Variants in SLC8A1 observed in about 807,000 individuals in gnomAD.
SLC8A1 encodes sodium/calcium exchanger 1.
In SLC8A1, 18 loss-of-function variants were observed where a neutral mutation model predicts 68.3. The ratio of observed to expected loss-of-function variants is 0.26; its 90% confidence interval spans 0.18 to 0.39. SLC8A1 has a LOEUF of 0.39. Among genes scored for constraint, SLC8A1 ranks in the 10% least tolerant of loss-of-function variants. The pLI is 1.00. For synonymous variants in SLC8A1, 475 were observed against 415.5 expected (o/e 1.14, Z -1.74); for missense variants, 985 against 1,156.7 (o/e 0.85, Z 2.15).
chr2:40,134,100 T>TTTGTGTG (rs1422790696), intron 7 of SLC8A1, among the ~76,000 whole-genome samples: 2 of 139,572 alleles, frequency 1.4e-5, no homozygotes, highest in African/African-American at 6.5e-5. Flanking sequence ...TGTTTGTGTT[T>TTTGTGTG]TTTTTTTTTG....
intron 2 of SLC8A1, among the ~76,000 whole-genome samples, chr2:40,384,566 A>C (rs1164143384): frequency 6.6e-6 from 1 of 152,116 alleles, no homozygotes; most frequent in Non-Finnish European, 1.5e-5. Context: ...AAATGGACTC[A>C]CTTGGCCATC....
chr2:40,458,997 T>A (rs1576609720), intron 1 of SLC8A1, among the ~76,000 whole-genome samples: 1 of 152,184 alleles, frequency 6.6e-6, no homozygotes, highest in Admixed American at 6.5e-5. Flanking sequence ...AGCCATGAAT[T>A]CATTTGTTCA....
intron 1 of SLC8A1, among the ~76,000 whole-genome samples, chr2:40,475,891 A>G (rs1704274858): frequency 1.3e-5 from 2 of 152,196 alleles, no homozygotes; most frequent in Admixed American, 6.5e-5. Flanking sequence ...CCCAAAAAAC[A>G]TAACTTTCTA....
intron 2 of SLC8A1, among the ~76,000 whole-genome samples, chr2:40,226,063 A>C (rs889783362): frequency 6.6e-6 from 1 of 152,094 alleles, no homozygotes; most frequent in Non-Finnish European, 1.5e-5. Context: ...GCTTGCAATT[A>C]GTCTGGATAA....
chr2:40,314,281 A>G (rs1485529784), intron 2 of SLC8A1, among the ~76,000 whole-genome samples: 1 of 152,044 alleles, frequency 6.6e-6, no homozygotes, highest in Non-Finnish European at 1.5e-5. Context: ...TGTTAGAATA[A>G]CAACAACAAC....
At chr2:40,354,295 A>C (rs1672028090) in intron 2 of SLC8A1, among the ~76,000 whole-genome samples, 1 of 152,172 alleles carries the variant, frequency 6.6e-6, no homozygotes, top group Non-Finnish European at 1.5e-5. Flanking sequence ...TGAGGTGATC[A>C]TATGTTTAAG....
At chr2:40,218,849 A>C (rs1475855443) in intron 2 of SLC8A1, among the ~76,000 whole-genome samples, 3 of 152,092 alleles carry the variant, frequency 2.0e-5, no homozygotes, top group Admixed American at 6.6e-5. Context: ...ATGTTCTGGG[A>C]ATCTGGGCTC....
At chr2:40,241,667 AGT>A (rs1374218558) in intron 2 of SLC8A1, among the ~76,000 whole-genome samples, 1 of 152,032 alleles carries the variant, frequency 6.6e-6, no homozygotes, top group Non-Finnish European at 1.5e-5. Flanking sequence ...GGGAAAGAAG[AGT>A]GTGAAGGTGG....
At position 40,318,980 on chromosome 2, in the gene SLC8A1, C is replaced by T. The variant is rs190949216; in HGVS notation, c.1808+109493G>A. Among the ~76,000 whole-genome samples the T allele has an allele frequency of 5.9e-5, 9 of 152,112 alleles. No individual in the cohort carries two copies. The East Asian group carries it at 1.2e-3, about 20-fold the overall frequency. The stretch of plus-strand genomic sequence containing the variant: ...TGTGAACAATGATTCTATGGATTTG[C>T]CACTGCTATAAATACACCAACTGGA... On this transcript the variant is annotated intron_variant, in intron 2 of 7. Coordinates refer to ENST00000406785, the Ensembl canonical transcript of SLC8A1.
chr2:40,401,378 A>G (rs1231137784), intron 2 of SLC8A1, among the ~76,000 whole-genome samples: 2 of 152,116 alleles, frequency 1.3e-5, no homozygotes, highest in Non-Finnish European at 2.9e-5. Context: ...ATGTTGCCCA[A>G]ACCTTTCAAG....
chr2:40,258,798 C>T (rs427788), intron 2 of SLC8A1, among the ~76,000 whole-genome samples: 24,235 of 151,768 alleles, frequency 0.16, 2,200 homozygotes, highest in Admixed American at 0.28. Flanking sequence ...GGCAACATTG[C>T]GCCACTGCAC....
chr2:40,293,711 T>C (rs1461770078), intron 2 of SLC8A1, among the ~76,000 whole-genome samples: 2 of 152,192 alleles, frequency 1.3e-5, no homozygotes, highest in African/African-American at 4.8e-5. Flanking sequence ...TTCAAGGCAA[T>C]TGAAAAGTCC....
intron 2 of SLC8A1, among the ~76,000 whole-genome samples, chr2:40,385,432 T>A (rs1387044113): frequency 1.8e-5 from 2 of 110,186 alleles, no homozygotes; most frequent in Admixed American, 9.8e-5. Flanking sequence ...ATCACCATTT[T>A]TCAAAGTATC....
At chr2:40,200,220 T>TTTATATATATATATAAATATATATATATA (rs1558722263) in intron 2 of SLC8A1, among the ~76,000 whole-genome samples, 2 of 3,648 alleles carry the variant, frequency 5.5e-4, no homozygotes, top group East Asian at 9.8e-3. Flanking sequence ...ATATATATAT[T>TTTATATATATATATAAATATATATATATA]TTTTTATATA....
At chr2:40,345,678 G>A (rs1404876849) in intron 2 of SLC8A1, among the ~76,000 whole-genome samples, 1 of 152,118 alleles carries the variant, frequency 6.6e-6, no homozygotes, top group Non-Finnish European at 1.5e-5. Flanking sequence ...AAAAGAATAA[G>A]TTCATGCCAT....
chr2:40,161,947 G>T (rs150569573), intron 5 of SLC8A1, among the ~76,000 whole-genome samples: 255 of 152,314 alleles, frequency 1.7e-3, no homozygotes, highest in African/African-American at 6.0e-3. Context: ...CTAACTGGGA[G>T]TAAGCAAAAT....
chr2:40,288,662 T>A (rs914278645), intron 2 of SLC8A1, among the ~76,000 whole-genome samples: 1 of 151,996 alleles, frequency 6.6e-6, no homozygotes, highest in African/African-American at 2.4e-5. Context: ...ATCATCCGCA[T>A]AGTATTTACA....
At chr2:40,240,222 T>C (rs2061030990) in intron 2 of SLC8A1, among the ~76,000 whole-genome samples, 1 of 152,246 alleles carries the variant, frequency 6.6e-6, no homozygotes, top group Non-Finnish European at 1.5e-5. Context: ...GTACTTATTA[T>C]GTAACTGTTG....
chr2:40,427,601 G>C (rs1697222676), intron 2 of SLC8A1, among the ~76,000 whole-genome samples: 1 of 152,020 alleles, frequency 6.6e-6, no homozygotes, highest in South Asian at 2.1e-4. Flanking sequence ...AGGCAAAGGG[G>C]GAACAGCCCT....
Sources: gnomAD v4.1 joint callset for allele counts (sites outside exome capture counted in the v4.1 genomes callset) on GRCh38, gnomAD v4.1.1 for gene constraint, MANE v1.5 for transcripts, NCBI Gene and HGNC (gene_info 2026-07-23, HGNC 2026-07-21) for gene names.